The following CERS6 variants were observed in gnomAD, a reference collection of about 807,000 sequenced individuals.
CERS6 encodes LAG1 homolog, ceramide synthase 6.
Under a neutral mutation model 56.8 loss-of-function variants are expected in CERS6, and 26 were observed. That is an observed-to-expected ratio of 0.46 (90% confidence interval 0.34 to 0.63). The LOEUF (loss-of-function observed/expected upper bound fraction) is 0.63. Ranked by LOEUF, CERS6 falls within the 30% of genes least tolerant of loss-of-function variation. The pLI is 0.01. For synonymous variants in CERS6, 164 were observed against 173.3 expected (o/e 0.95, Z 0.42); for missense variants, 415 against 467.5 (o/e 0.89, Z 1.04).
chr2:168,545,509 A>ATT (rs61376408), intron 1 of CERS6, among the ~76,000 whole-genome samples: 9 of 145,518 alleles, frequency 6.2e-5, no homozygotes, highest in African/African-American at 2.0e-4. Context: ...ATTTTTTTTG[A>ATT]TTTTTTTTTT....
chr2:168,527,769 A>G (rs1033123347), intron 1 of CERS6, among the ~76,000 whole-genome samples: 1 of 152,080 alleles, frequency 6.6e-6, no homozygotes, highest in African/African-American at 2.4e-5. Flanking sequence ...TGCCCAGGCT[A>G]GACTTAAGTA....
intron 4 of CERS6, among the ~76,000 whole-genome samples, chr2:168,678,555 A>G (rs1216721309): frequency 6.6e-6 from 1 of 152,126 alleles, no homozygotes; most frequent in African/African-American, 2.4e-5. Context: ...CCCCCTGAGT[A>G]GTTGTTCAAT....
intron 1 of CERS6, among the ~76,000 whole-genome samples, chr2:168,532,011 A>T: frequency 6.6e-6 from 1 of 152,220 alleles, no homozygotes; most frequent in East Asian, 1.9e-4. Context: ...TTTTGTAAGC[A>T]TAGTAACTAG....
Position 168,533,799 on chromosome 2 carries a change from G to A in CERS6, c.171-13797G>A, listed in dbSNP as rs539216011. 3.9e-4 allele frequency among the ~76,000 whole-genome samples: 59 copies of A among 152,246 alleles called. No individual in the cohort carries two copies. The Middle Eastern group carries it at 0.01, about 26-fold the overall frequency. On this transcript the variant is annotated intron_variant, in intron 1 of 9. Coordinates refer to ENST00000305747, the MANE Select transcript of CERS6 (RefSeq NM_203463.3). ...GGGAAGTTATCCTGGGTAATATCCA[G>A]AAGTGTGTTTTCCAGCTTGTTTCCA...
intron 6 of CERS6, among the ~76,000 whole-genome samples, chr2:168,695,454 T>C (rs978018023): frequency 2.0e-5 from 3 of 152,170 alleles, no homozygotes; most frequent in African/African-American, 7.2e-5. Context: ...GGTTGTCCAG[T>C]GTCAAAATAT....
intron 4 of CERS6, among the ~76,000 whole-genome samples, chr2:168,684,058 A>G (rs1390026251): frequency 6.6e-6 from 1 of 152,202 alleles, no homozygotes; most frequent in Non-Finnish European, 1.5e-5. Context: ...CACAGATCTG[A>G]AAGTTACTTA....
chr2:168,545,481 G>A (rs1695449332), intron 1 of CERS6, among the ~76,000 whole-genome samples: 1 of 151,762 alleles, frequency 6.6e-6, no homozygotes, highest in African/African-American at 2.4e-5. Flanking sequence ...ACATTATGTT[G>A]TATAACAAAT....
intron 4 of CERS6, among the ~76,000 whole-genome samples, chr2:168,658,347 G>A (rs554364431): frequency 1.3e-5 from 2 of 152,334 alleles, no homozygotes; most frequent in African/African-American, 4.8e-5. Context: ...TGAGGCCTCT[G>A]TTGCCTTTGC....
chr2:168,739,198 T>C (rs1190917331), intron 8 of CERS6, among the ~76,000 whole-genome samples: 4 of 151,206 alleles, frequency 2.6e-5, no homozygotes, highest in African/African-American at 9.7e-5. Flanking sequence ...CGTGACCCAC[T>C]GCACCCAGGC....
chr2:168,733,128 A>G (rs1024939586), intron 8 of CERS6, among the ~76,000 whole-genome samples: 4 of 152,204 alleles, frequency 2.6e-5, no homozygotes, highest in African/African-American at 9.7e-5. Context: ...AAGGAATAAA[A>G]TGGAACATGT....
At chr2:168,766,921 A>G (rs1241967764) in intron 9 of CERS6, among the ~76,000 whole-genome samples, 1 of 152,214 alleles carries the variant, frequency 6.6e-6, no homozygotes, top group Non-Finnish European at 1.5e-5. Flanking sequence ...ATTTTGATCA[A>G]TTAATTGTTC....
intron 8 of CERS6, among the ~76,000 whole-genome samples, chr2:168,719,451 A>G (rs1365797442): frequency 6.6e-6 from 1 of 152,224 alleles, no homozygotes; most frequent in Non-Finnish European, 1.5e-5. Flanking sequence ...ATGGAGGTAG[A>G]TCAGACTTTA....
chr2:168,674,225 G>C (rs1053659781), intron 4 of CERS6, among the ~76,000 whole-genome samples: 1 of 152,176 alleles, frequency 6.6e-6, no homozygotes, highest in Non-Finnish European at 1.5e-5. Flanking sequence ...AGTGTCCTCA[G>C]GATGATGATT....
At chr2:168,627,881 G>T (rs1218545039) in intron 3 of CERS6, among the ~76,000 whole-genome samples, 9 of 151,710 alleles carry the variant, frequency 5.9e-5, no homozygotes, top group Admixed American at 5.9e-4. Flanking sequence ...CCTTATGGGG[G>T]TGTTTACCCT....
intron 6 of CERS6, among the ~76,000 whole-genome samples, chr2:168,699,403 T>C (rs927505217): frequency 2.6e-5 from 4 of 152,198 alleles, no homozygotes; most frequent in Admixed American, 6.5e-5. Flanking sequence ...TTGGCTCCCA[T>C]ATTAAATAAC....
Position 168,518,096 on chromosome 2 carries a change from G to A in CERS6, c.171-29500G>A, listed in dbSNP as rs115181048. On this transcript the variant is annotated intron_variant, in intron 1 of 9. Coordinates refer to ENST00000305747, the MANE Select transcript of CERS6 (RefSeq NM_203463.3). ...TCATAATTTAGTCATTGTTGTTTAC[G>A]TTGTTATCTTTCACTTATTTTTCAT... Among the ~76,000 whole-genome samples, 886 of 152,272 alleles carry A rather than the reference G, an allele frequency of 5.8e-3. 5 individuals are homozygous for A. Among genetic ancestry groups the A allele is most frequent in the African/African-American group, 0.019 (784 of 41,550 alleles).
At position 168,559,733 on chromosome 2, in the gene CERS6, T is replaced by TTTTTTATATATATATATATATATA. The variant is rs61031993; in HGVS notation, c.277-1459_277-1458insTTTTTATATATATATATATATATA. On this transcript the variant is annotated intron_variant, in intron 2 of 9. Transcript: ENST00000305747. ...TGCTTGAGCTGCTTTTAGAAAGGTA[T>TTTTTTATATATATATATATATATA]CATATATATATATATATATATTTCA... 2.2e-3 allele frequency among the ~76,000 whole-genome samples: 148 copies of TTTTTTATATATATATATATATATA among 66,278 alleles called. 9 individuals carry two copies. The highest frequency in any genetic ancestry group is 0.011 in the Admixed American group (62 of 5,564). 43.5% of individuals were successfully genotyped at this position (66,278 alleles called of 152,430 possible).
chr2:168,552,455 A>G (rs181297195), intron 2 of CERS6, among the ~76,000 whole-genome samples: 18 of 152,186 alleles, frequency 1.2e-4, no homozygotes, highest in Admixed American at 7.2e-4. Context: ...TATTTGGCAA[A>G]TTAGGAGATG....
At chr2:168,566,539 A>C (rs1002149262) in intron 3 of CERS6, among the ~76,000 whole-genome samples, 1 of 152,208 alleles carries the variant, frequency 6.6e-6, no homozygotes, top group Non-Finnish European at 1.5e-5. Flanking sequence ...TGAATGGGTT[A>C]ACCAATTGCC....
Sources: allele counts gnomAD v4.1 joint callset (sites outside exome capture counted in the v4.1 genomes callset), GRCh38; gene constraint gnomAD v4.1.1; transcripts MANE v1.5; gene names NCBI Gene and HGNC (gene_info 2026-07-23, HGNC 2026-07-21).